Variants in TAP2 observed in about 807,000 individuals in gnomAD.
TAP2 encodes the protein antigen peptide transporter 2.
Under a neutral mutation model 74.7 loss-of-function variants are expected in TAP2, and 49 were observed. The ratio of observed to expected loss-of-function variants is 0.66; its 90% confidence interval spans 0.52 to 0.83. The LOEUF is 0.83. Ranked by LOEUF, TAP2 falls within the 40% of genes least tolerant of loss-of-function variation. The pLI is 0.00. For missense variants in TAP2, 739 were observed against 859.0 expected (o/e 0.86, Z 1.75); for synonymous variants, 306 against 368.4 (o/e 0.83, Z 1.94).
In TAP2 at chr6:32,832,931, A is replaced by C; in HGVS notation, c.946-107T>G. 2.5e-6 allele frequency: 3 copies of C among 1,213,686 alleles called. No homozygotes were observed. Among genetic ancestry groups the C allele is most frequent in the South Asian group, 1.2e-5 (1 of 80,270 alleles). The allele number at this position is 1,213,686 out of a possible 1,614,324, so 75.2% of individuals were successfully genotyped here. A position where few individuals can be genotyped will look rare whatever the true frequency, so the allele number is the denominator to read the frequency against. ...TCCCTAGTCTACCTAAAAATACCAA[A>C]CTGTTTCTCTCCCTCTTCCTTACTC... On this transcript the variant is annotated intron_variant, in intron 5 of 11. Coordinates refer to ENST00000374897, the MANE Select transcript of TAP2 (RefSeq NM_001290043.2). This position sits in a 1 kb window ranked among gnomAD's most constrained non-coding sequence, Gnocchi z 5.9.
chr6:32,835,795 G>A lies in TAP2; in HGVS notation c.609-22C>T. ...TGAGCTGTGGGGTAGGAGAATAAGA[G>A]GGGAGGGAGATGCAGAGAAGGAGCA... On this transcript the variant is annotated intron_variant, in intron 3 of 11. Coordinates refer to ENST00000374897, the MANE Select transcript of TAP2 (RefSeq NM_001290043.2). The surrounding 1 kb of genome is among the most constrained non-coding windows in gnomAD (Gnocchi z 4.0). 1.2e-6 allele frequency: 2 copies of A among 1,613,146 alleles called. No homozygotes were observed. Among genetic ancestry groups the A allele is most frequent in the South Asian group, 2.2e-5 (2 of 91,078 alleles).
rs1403479674 is a variant in TAP2, at chr6:32,832,903, T to C, written c.946-79A>G. Reference sequence around the variant, plus strand: ...CCACATCTTACTCCAGCCAGTGAGATGCTCCCTAGTCTACCTAAAAATACC... The same window carrying C: ...CCACATCTTACTCCAGCCAGTGAGACGCTCCCTAGTCTACCTAAAAATACC... On this transcript the variant is annotated intron_variant, in intron 5 of 11. Coordinates refer to ENST00000374897, the MANE Select transcript of TAP2 (RefSeq NM_001290043.2). The surrounding 1 kb of genome is among the most constrained non-coding windows in gnomAD (Gnocchi z 5.9). 6.7e-7 allele frequency: 1 copy of C among 1,492,556 alleles called. No homozygotes were observed. 92.5% of individuals were successfully genotyped at this position (1,492,556 alleles called of 1,614,324 possible).
intron 10 of TAP2, among the ~76,000 whole-genome samples, 166 bp downstream of exon 10, chr6:32,829,764 G>A (rs1026854883): frequency 4.6e-5 from 7 of 152,204 alleles, no homozygotes; most frequent in Admixed American, 2.0e-4. Context: ...TCTTGATCAA[G>A]AGGGAGGCTG....
Position 32,826,441 on chromosome 6 carries a change from A to G in TAP2, c.*2465T>C. 1 of 983,746 alleles carries G rather than the reference A, an allele frequency of 1.0e-6. No homozygotes were observed. Among genetic ancestry groups the G allele is most frequent in the Non-Finnish European group, 1.2e-6 (1 of 829,882 alleles). The allele number at this position is 983,746 out of a possible 1,614,324, so 60.9% of individuals were successfully genotyped here. A position where few individuals can be genotyped will look rare whatever the true frequency, so the allele number is the denominator to read the frequency against. On this transcript the variant is annotated 3_prime_UTR_variant, in exon 12 of 12. Coordinates refer to ENST00000374897, the MANE Select transcript of TAP2 (RefSeq NM_001290043.2). Reference sequence around the variant, plus strand: ...ATTACAGGGTAAGGAGATCAATCAAATGGTGATGGGGGGTAGGAGTGAACA... The same window carrying G: ...ATTACAGGGTAAGGAGATCAATCAAGTGGTGATGGGGGGTAGGAGTGAACA...
At position 32,828,679 on chromosome 6, in the gene TAP2, C is replaced by CACCCCACCT; in HGVS notation, c.*226_*227insAGGTGGGGT. 1.1e-6 allele frequency: 1 copy of CACCCCACCT among 948,140 alleles called. No individual in the cohort carries two copies. Among genetic ancestry groups the CACCCCACCT allele is most frequent in the Non-Finnish European group, 1.3e-6 (1 of 788,692 alleles). 58.7% of individuals were successfully genotyped at this position (948,140 alleles called of 1,614,324 possible). ...TAAGTTTCCTGGACACAGACAGCCC[C>CACCCCACCT]CACCCCACCCCACCCCACCTCTCTA... On this transcript the variant is annotated 3_prime_UTR_variant, in exon 12 of 12. Coordinates refer to ENST00000374897, the MANE Select transcript of TAP2 (RefSeq NM_001290043.2).
intron 7 of TAP2, among the ~76,000 whole-genome samples, chr6:32,831,414 C>G (rs1769069710): frequency 6.6e-6 from 1 of 152,188 alleles, no homozygotes; most frequent in Admixed American, 6.5e-5. Flanking sequence ...TTTTGCAGCC[C>G]TAATTCTGTC....
At position 32,832,454 on chromosome 6, in the gene TAP2, T is replaced by C; in HGVS notation, c.1151A>G (p.His384Arg). 2.5e-6 allele frequency: 4 copies of C among 1,612,556 alleles called. No homozygotes were observed. The highest frequency in any genetic ancestry group is 3.4e-6 in the Non-Finnish European group (4 of 1,179,846). The change falls in exon 7 of 12, where the codon CAC becomes CGC. Residue 384 changes from histidine to arginine, a missense_variant. Physicochemically the swap from His to Arg is conservative, Grantham distance 29. Coordinates refer to ENST00000374897, the MANE Select transcript of TAP2 (RefSeq NM_001290043.2). This position sits in a 1 kb window ranked among gnomAD's most constrained non-coding sequence, Gnocchi z 5.9. Reference protein sequence around the residue: ...ALYLLVRRVLHLGVQMLMLSC... With the variant: ...ALYLLVRRVLRLGVQMLMLSC... ...CAGCATCAGCATCTGCACCCCCAAG[T>C]GCAGCACCTGGAAGAGGAGAAGAAA...
In TAP2 at chr6:32,829,970, T is replaced by C. The variant is rs79098150; in HGVS notation, c.1755A>G (p.Ala585=). ...GCTCCATTTCCTGGATGAAGTCATCTGCGTGGGCAGCCTGGGCAGCCGCCA... is the reference window on the plus strand; with the variant it reads ...GCTCCATTTCCTGGATGAAGTCATCCGCGTGGGCAGCCTGGGCAGCCGCCA... ...KVMAAAQAAH[A]DDFIQEMEHG... Residue 585 remains alanine, a synonymous_variant, in exon 10 of 12, where the codon GCA becomes GCG. Coordinates refer to ENST00000374897, the MANE Select transcript of TAP2 (RefSeq NM_001290043.2). The C allele has an allele frequency of 3.1e-3, 4,932 of 1,613,130 alleles. 16 individuals are homozygous for C. The highest frequency in any genetic ancestry group is 4.0e-3 in the Admixed American group (241 of 60,034).
rs1443704202 is a variant in TAP2 at position 32,828,911 on chromosome 6, G to A, written c.2056C>T (p.Leu686Phe). The change falls in exon 12 of 12, where the codon CTC becomes TTC. Residue 686 changes from leucine to phenylalanine, a missense_variant. By Grantham distance (22) the Leu-to-Phe change is conservative. Coordinates refer to ENST00000374897, the MANE Select transcript of TAP2 (RefSeq NM_001290043.2). ...GAATAGAGGTCCTGTCCCTCCTAGA[G>A]CTGGGCAAGCTTCTGCAGCTTGCCC... is the stretch of plus-strand genomic sequence containing the variant. ...QEGKLQKLAQ[L>F] 1 of 1,544,798 alleles carries A rather than the reference G, an allele frequency of 6.5e-7. No homozygotes were observed. The highest frequency in any genetic ancestry group is 8.7e-7 in the Non-Finnish European group (1 of 1,144,558).
chr6:32,829,852 C>T, intron 10 of TAP2, 78 bp downstream of exon 10: 1 of 1,582,766 alleles, frequency 6.3e-7, no homozygotes. Flanking sequence ...GCTACAGGGA[C>T]ACGACCTTCA....
In TAP2 at chr6:32,838,201, G is replaced by C. The variant is rs1403929806; in HGVS notation, c.33C>G (p.Ser11=). 1.3e-6 allele frequency: 2 copies of C among 1,588,310 alleles called. No individual in the cohort carries two copies. Among genetic ancestry groups the C allele is most frequent in the Non-Finnish European group, 8.6e-7 (1 of 1,168,232 alleles). The part of the protein sequence containing the change: MRLPDLRPWT[S]LLLVDAALLW... ...GTAAAGCCGCGTCCACCAGCAGCAG[G>C]GAGGTCCAGGGTCTCAGGTCAGGGA... Residue 11 remains serine, a synonymous_variant, in exon 2 of 12, where the codon TCC becomes TCG. Transcript: ENST00000374897.
downstream of TAP2, among the ~76,000 whole-genome samples, chr6:32,822,937 T>TTTTGA (rs1768390492): frequency 1.7e-5 from 2 of 114,834 alleles, no homozygotes; most frequent in East Asian, 5.7e-4. Context: ...TTTTTTTTTT[T>TTTTGA]GAGGCAGAGT....
At chr6:32,834,302 C>A (rs921562819) in intron 5 of TAP2, among the ~76,000 whole-genome samples, 5 of 152,202 alleles carry the variant, frequency 3.3e-5, no homozygotes, top group Non-Finnish European at 5.9e-5. Context: ...TATTATTCAG[C>A]CTTAAAAGGG....
Position 32,830,078 on chromosome 6 carries a change from A to G in TAP2, c.1647T>C (p.Val549=). ...HCYLHSQVVS[V]GQEPVLFSGS... is the part of the protein sequence containing the mutation. ...CGGAGAACAGCACAGGCTCCTGCCC[A>G]ACTGAAACCACCTGTGCAGCAGGGA... Residue 549 remains valine (V), a synonymous_variant, in exon 10 of 12, where the codon GTT becomes GTC. Transcript: ENST00000374897. 1 of 1,613,052 alleles carries G rather than the reference A, an allele frequency of 6.2e-7. No individual in the cohort carries two copies. Among genetic ancestry groups the G allele is most frequent in the South Asian group, 1.1e-5 (1 of 91,078 alleles).
chr6:32,834,731 C>T (rs56385941), intron 5 of TAP2, among the ~76,000 whole-genome samples: 1 of 152,218 alleles, frequency 6.6e-6, no homozygotes, highest in East Asian at 1.9e-4. Context: ...ATGACGCCTC[C>T]TTTCCCTATG....
chr6:32,824,297 C>T (rs1768495147), downstream of TAP2, among the ~76,000 whole-genome samples: 1 of 151,986 alleles, frequency 6.6e-6, no homozygotes, highest in Non-Finnish European at 1.5e-5. Flanking sequence ...TTACTAATGC[C>T]TTTGGTTTTA....
In TAP2 at chr6:32,837,584, A is replaced by T; in HGVS notation, c.561T>A (p.His187Gln). ...IDILGGDFDP[H>Q]AFASAIFFMC... ...TGAAGAAGATGGCACTGGCAAAGGC[A>T]TGGGGGTCAAAATCACCTCCCAGGA... Residue 187 changes from histidine to glutamine, a missense_variant, in exon 3 of 12, where the codon CAT becomes CAA. Transcript: ENST00000374897. 1 of 1,614,162 alleles carries T rather than the reference A, an allele frequency of 6.2e-7. No individual in the cohort carries two copies. The highest frequency in any genetic ancestry group is 8.5e-7 in the Non-Finnish European group (1 of 1,180,008).
chr6:32,827,896 C>T lies in TAP2; in HGVS notation c.*1010G>A. The T allele has an allele frequency of 2.2e-5, 14 of 639,424 alleles. 4 individuals are homozygous for T. The highest frequency in any genetic ancestry group is 2.6e-5 in the Non-Finnish European group (14 of 545,770). The allele number at this position is 639,424 out of a possible 1,614,324, so 39.6% of individuals were successfully genotyped here. On this transcript the variant is annotated 3_prime_UTR_variant, in exon 12 of 12. Coordinates refer to ENST00000374897, the MANE Select transcript of TAP2 (RefSeq NM_001290043.2). ...AGAGAAACCTCTCTGGTGATGGGATCATCTTAAGTCTATGAGTGAAGACTA... is the reference window on the plus strand; with the variant it reads ...AGAGAAACCTCTCTGGTGATGGGATTATCTTAAGTCTATGAGTGAAGACTA...
At position 32,828,667 on chromosome 6, in the gene TAP2, C is replaced by T. The variant is rs1438380485; in HGVS notation, c.*239G>A. On this transcript the variant is annotated 3_prime_UTR_variant, in exon 12 of 12. Transcript: ENST00000374897. ...TCACCAGGGAATTAAGTTTCCTGGACACAGACAGCCCCCACCCCACCCCAC... is the reference window on the plus strand; with the variant it reads ...TCACCAGGGAATTAAGTTTCCTGGATACAGACAGCCCCCACCCCACCCCAC... 16 of 1,133,806 alleles carry T rather than the reference C, an allele frequency of 1.4e-5. No homozygotes were observed. The highest frequency in any genetic ancestry group is 1.7e-5 in the Non-Finnish European group (16 of 921,178). 70.2% of individuals were successfully genotyped at this position (1,133,806 alleles called of 1,614,324 possible).
Sources: allele counts gnomAD v4.1 joint callset (sites outside exome capture counted in the v4.1 genomes callset), GRCh38; gene constraint gnomAD v4.1.1; non-coding constraint Gnocchi (gnomAD v3.1); transcripts MANE v1.5; gene names NCBI Gene and HGNC (gene_info 2026-07-23, HGNC 2026-07-21).